Variants in REC114 observed in about 807,000 individuals in gnomAD.
REC114 encodes REC114 meiotic recombination protein.
In REC114, 27 loss-of-function variants were observed where a neutral mutation model predicts 31.3. That is an observed-to-expected ratio of 0.86 (90% CI 0.64 to 1.19). The LOEUF (loss-of-function observed/expected upper bound fraction) is 1.19, where lower values mean the gene tolerates loss of function less well. Among genes scored for constraint, REC114 ranks in the 50% most tolerant of loss-of-function variants. The pLI, the probability that REC114 is intolerant of heterozygous loss-of-function variation, is 0.00. For synonymous variants in REC114, 134 were observed against 127.7 expected (o/e 1.05, Z -0.33); for missense variants, 344 against 326.9 (o/e 1.05, Z -0.40).
intron 2 of REC114, among the ~76,000 whole-genome samples, chr15:73,494,180 A>G (rs1401851815): frequency 2.0e-5 from 3 of 152,176 alleles, no homozygotes; most frequent in Non-Finnish European, 4.4e-5. Context: ...TAGTATTGAT[A>G]TAGTTCTCTA....
chr15:73,494,852 T>G (rs1402446754), intron 2 of REC114, among the ~76,000 whole-genome samples: 2 of 152,224 alleles, frequency 1.3e-5, no homozygotes, highest in Non-Finnish European at 2.9e-5. Context: ...AAGTGTTTAA[T>G]GGAAAGTTAG....
intron 2 of REC114, among the ~76,000 whole-genome samples, chr15:73,504,357 T>G (rs1893645642): frequency 3.3e-5 from 5 of 152,146 alleles, no homozygotes; most frequent in African/African-American, 1.2e-4. Context: ...TTCTGGAATT[T>G]ATCTTTTTGT....
chr15:73,461,126 G>T (rs1892983049), intron 1 of REC114, among the ~76,000 whole-genome samples: 1 of 151,924 alleles, frequency 6.6e-6, no homozygotes, highest in Non-Finnish European at 1.5e-5. Flanking sequence ...GGGAAGGTCT[G>T]CGTGTTATTG....
chr15:73,475,425 G>T (rs923120530), intron 2 of REC114, among the ~76,000 whole-genome samples: 3 of 152,082 alleles, frequency 2.0e-5, no homozygotes, highest in African/African-American at 7.2e-5. Flanking sequence ...GATTATAAGG[G>T]GGCTGAAAAA....
chr15:73,514,342 C>T (rs1729453623), intron 2 of REC114, among the ~76,000 whole-genome samples: 1 of 151,812 alleles, frequency 6.6e-6, no homozygotes, highest in Non-Finnish European at 1.5e-5. Flanking sequence ...CGCCCACTGT[C>T]TGGCACTCCC....
chr15:73,463,811 G>GA (rs951396236), intron 1 of REC114, among the ~76,000 whole-genome samples: 218 of 141,056 alleles, frequency 1.5e-3, no homozygotes, highest in Middle Eastern at 3.8e-3. Flanking sequence ...ACAGGAAAAG[G>GA]AAAAAAAAAA....
chr15:73,465,048 C>A (rs187534708), intron 1 of REC114, among the ~76,000 whole-genome samples: 1 of 152,222 alleles, frequency 6.6e-6, no homozygotes, highest in East Asian at 1.9e-4. Flanking sequence ...CCCACCACCA[C>A]GCCCAGCTAA....
chr15:73,471,464 C>T (rs1446550485), intron 1 of REC114, among the ~76,000 whole-genome samples: 2 of 152,108 alleles, frequency 1.3e-5, no homozygotes, highest in African/African-American at 4.8e-5. Context: ...AACAGCCTAG[C>T]ACAGGGTAGG....
At chr15:73,541,116 A>G (rs143789723) in intron 3 of REC114, among the ~76,000 whole-genome samples, 3 of 152,280 alleles carry the variant, frequency 2.0e-5, no homozygotes, top group African/African-American at 7.2e-5. Context: ...GAAAGATACT[A>G]ATTTTTGAGG....
chr15:73,482,638 A>G (rs921604616), intron 2 of REC114, among the ~76,000 whole-genome samples: 2 of 152,246 alleles, frequency 1.3e-5, no homozygotes, highest in African/African-American at 4.8e-5. Context: ...TAATGTTATC[A>G]AGATTGCTCC....
chr15:73,454,756 G>GT (rs1457977271), intron 1 of REC114, among the ~76,000 whole-genome samples: 1 of 152,154 alleles, frequency 6.6e-6, no homozygotes, highest in African/African-American at 2.4e-5. Flanking sequence ...TGCTCCACAG[G>GT]TTCCTTGATA....
intron 2 of REC114, among the ~76,000 whole-genome samples, chr15:73,520,176 T>TA (rs1893915931): frequency 6.6e-6 from 1 of 152,148 alleles, no homozygotes; most frequent in Admixed American, 6.5e-5. Context: ...TTCAACAAAT[T>TA]ACATAAATAG....
At chr15:73,553,490 G>T (rs953512203) in intron 4 of REC114, among the ~76,000 whole-genome samples, 1 of 152,122 alleles carries the variant, frequency 6.6e-6, no homozygotes, top group Non-Finnish European at 1.5e-5. Context: ...TGATAGTATA[G>T]TATACCCAGT....
At chr15:73,460,310 C>T (rs772080563) in intron 1 of REC114, among the ~76,000 whole-genome samples, 2 of 151,844 alleles carry the variant, frequency 1.3e-5, no homozygotes, top group African/African-American at 2.4e-5. Flanking sequence ...AGAATGAGGC[C>T]CAAGAGTATT....
chr15:73,494,671 GT>G (rs1416025815), intron 2 of REC114, among the ~76,000 whole-genome samples: 5 of 152,218 alleles, frequency 3.3e-5, no homozygotes, highest in African/African-American at 9.6e-5. Flanking sequence ...CTCAGATGAT[GT>G]TACATTTTTG....
Position 73,475,597 on chromosome 15 carries a change from G to A in REC114, c.249+1676G>A, listed in dbSNP as rs186856434. Among the ~76,000 whole-genome samples, 383 of 152,228 alleles carry A rather than the reference G, an allele frequency of 2.5e-3. 1 individual carries two copies. The highest frequency in any genetic ancestry group is 4.1e-3 in the Admixed American group (62 of 15,292). ...ATATGTTTTAAGTTATTGTAAAACA[G>A]TCCAAATGTTTTTTAAAATTTTTTT... On this transcript the variant is annotated intron_variant, in intron 2 of 5. Coordinates refer to ENST00000331090, the MANE Select transcript of REC114 (RefSeq NM_001042367.2).
At chr15:73,487,032 A>T (rs1229207542) in intron 2 of REC114, among the ~76,000 whole-genome samples, 2 of 152,122 alleles carry the variant, frequency 1.3e-5, no homozygotes, top group Non-Finnish European at 2.9e-5. Flanking sequence ...AAAAAAAAAA[A>T]ATACTCTATT....
chr15:73,548,411 T>C (rs1894340689), intron 3 of REC114, among the ~76,000 whole-genome samples: 1 of 152,140 alleles, frequency 6.6e-6, no homozygotes, highest in Non-Finnish European at 1.5e-5. Context: ...CCGGCCTGAA[T>C]AGACACTTTT....
Position 73,501,551 on chromosome 15 carries a change from T to C in REC114, c.249+27630T>C, listed in dbSNP as rs545102703. ...CCTCCGCCTCCCAGGTTCAAGAGAGTCTCATGTCTCAGCCTCCAAAGTAGC... is the reference window on the plus strand; with the variant it reads ...CCTCCGCCTCCCAGGTTCAAGAGAGCCTCATGTCTCAGCCTCCAAAGTAGC... On this transcript the variant is annotated intron_variant, in intron 2 of 5. Transcript: ENST00000331090. 3.9e-5 allele frequency among the ~76,000 whole-genome samples: 6 copies of C among 152,026 alleles called. No individual in the cohort carries two copies. In the South Asian group the frequency reaches 1.2e-3, roughly 32 times the overall value.
Sources: allele counts gnomAD v4.1 joint callset (sites outside exome capture counted in the v4.1 genomes callset), GRCh38; gene constraint gnomAD v4.1.1; transcripts MANE v1.5; gene names NCBI Gene and HGNC (gene_info 2026-07-23, HGNC 2026-07-21).